SUN1: variants seen among roughly 807,000 people sequenced by gnomAD.
The protein encoded by SUN1 is SUN domain-containing protein 1.
SUN1 carries 61 observed loss-of-function variants against 103.2 expected under a neutral mutation model. That is an observed-to-expected ratio of 0.59 (90% confidence interval 0.48 to 0.73). SUN1 has a LOEUF of 0.73. Among genes scored for constraint, SUN1 ranks in the 30% least tolerant of loss-of-function variants. The pLI, the probability that SUN1 is intolerant of heterozygous loss-of-function variation, is 0.00. For missense variants in SUN1, 1,052 were observed against 1,034.6 expected (o/e 1.02, Z -0.23); for synonymous variants, 490 against 425.7 (o/e 1.15, Z -1.86).
rs1410860492 is a variant in SUN1, at chr7:856,462, C to G, written c.1394+61C>G. The G allele has an allele frequency of 1.0e-5, 16 of 1,594,026 alleles. No individual in the cohort carries two copies. In the East Asian group the frequency reaches 3.6e-4, roughly 36 times the overall value. On this transcript the variant is annotated intron_variant, in intron 12 of 18. Coordinates refer to ENST00000401592, the MANE Select transcript of SUN1 (RefSeq NM_001130965.3). ...GGTGTGTGTGTGTGGTTATGTGGAG[C>G]GGCAGCAGAGTGATGAATGGGGGAC...
chr7:861,030 A>G (rs575702708), intron 14 of SUN1, among the ~76,000 whole-genome samples: 96 of 152,378 alleles, frequency 6.3e-4, no homozygotes, highest in African/African-American at 2.2e-3. Context: ...CCTATCACTC[A>G]GTAATACCTA....
At chr7:840,168 G>C (rs1225873553) in intron 2 of SUN1, among the ~76,000 whole-genome samples, 3 of 152,216 alleles carry the variant, frequency 2.0e-5, no homozygotes, top group Admixed American at 6.5e-5. Flanking sequence ...CCTGGGATCT[G>C]AACAGCCACT....
chr7:851,467 G>A lies in SUN1; in HGVS notation c.742G>A (p.Ala248Thr), dbSNP rs765792622. 1.9e-6 allele frequency: 3 copies of A among 1,606,822 alleles called. No homozygotes were observed. Among genetic ancestry groups the A allele is most frequent in the African/African-American group, 2.7e-5 (2 of 74,848 alleles). The change falls in exon 6 of 19, where the codon GCC becomes ACC. Residue 248 changes from alanine to threonine, a missense_variant. Transcript: ENST00000401592. The part of the protein sequence containing the change: ...SRTAWSALWL[A>T]VVAPGKAASG... ...GACGGCGTGGTCGGCCCTTTGGCTG[G>A]CCGTGGTTGCTCCAGGTGGCTATTT...
intron 15 of SUN1, among the ~76,000 whole-genome samples, chr7:865,100 C>T (rs114018255): frequency 5.4e-4 from 82 of 152,256 alleles, no homozygotes; most frequent in African/African-American, 1.8e-3. Context: ...TGGCTTATTT[C>T]ACTTAACATA....
intron 5 of SUN1, chr7:843,874 T>TG: frequency 7.7e-7 from 1 of 1,306,554 alleles, no homozygotes; most frequent in African/African-American, 1.5e-5. Context: ...GGAGTGGCTT[T>TG]GGGACGCTGC....
At chr7:828,044 C>G (rs1584051496), upstream of SUN1, among the ~76,000 whole-genome samples, 1 of 151,828 alleles carries the variant, frequency 6.6e-6, no homozygotes, top group Non-Finnish European at 1.5e-5. Context: ...GCTGGGATTA[C>G]AAGCACGCAC....
intron 5 of SUN1, among the ~76,000 whole-genome samples, chr7:845,979 A>G (rs540892669): frequency 8.3e-4 from 126 of 152,286 alleles, no homozygotes; most frequent in Non-Finnish European, 1.3e-3. Context: ...AGGCACCTGC[A>G]GGACTGTGCA....
intron 5 of SUN1, chr7:849,483 C>T (rs745743280): frequency 4.5e-6 from 6 of 1,332,418 alleles, no homozygotes; most frequent in Admixed American, 3.9e-5. Flanking sequence ...AGCTTGGCGT[C>T]GGTGAGTTCC....
chr7:869,795 A>G (rs1273238570), intron 17 of SUN1, among the ~76,000 whole-genome samples: 2 of 152,190 alleles, frequency 1.3e-5, no homozygotes, highest in Admixed American at 6.6e-5. Context: ...TGCCTGTGAA[A>G]GGTGTTCTGG....
At chr7:829,773 C>T (rs1396469457), upstream of SUN1, among the ~76,000 whole-genome samples, 1 of 152,142 alleles carries the variant, frequency 6.6e-6, no homozygotes, top group Non-Finnish European at 1.5e-5. Context: ...CCAGGATGGT[C>T]TCGATCTCTC....
intron 17 of SUN1, among the ~76,000 whole-genome samples, chr7:869,861 C>G (rs1840125827): frequency 2.0e-5 from 3 of 152,066 alleles, no homozygotes; most frequent in Admixed American, 2.0e-4. Context: ...GATCCCAGCC[C>G]CAGAGAAACC....
intron 15 of SUN1, among the ~76,000 whole-genome samples, chr7:865,720 T>C (rs1172664391): frequency 6.6e-6 from 1 of 152,198 alleles, no homozygotes; most frequent in African/African-American, 2.4e-5. Context: ...GCGTGAGGGT[T>C]CCCTTTCTCC....
chr7:824,941 C>T (rs1790093492), intron 1 of SUN1, among the ~76,000 whole-genome samples: 1 of 152,182 alleles, frequency 6.6e-6, no homozygotes, highest in South Asian at 2.1e-4. Flanking sequence ...TGAACGTGTC[C>T]ACACCTCACA....
intron 1 of SUN1, among the ~76,000 whole-genome samples, chr7:820,449 TGTTA>T (rs759059571): frequency 2.0e-5 from 3 of 152,262 alleles, no homozygotes; most frequent in Admixed American, 6.5e-5. Context: ...TGAGTTTGCT[TGTTA>T]GTTCTAACAG....
chr7:822,699 C>T (rs77819821), intron 1 of SUN1, among the ~76,000 whole-genome samples: 4 of 152,300 alleles, frequency 2.6e-5, no homozygotes, highest in African/African-American at 4.8e-5. Flanking sequence ...GTGATCTGGA[C>T]GTGGTGTGGA....
At chr7:830,794 G>GAGTTAGC (rs1797214575), upstream of SUN1, 1 of 230,040 alleles carries the variant, frequency 4.3e-6, no homozygotes, top group South Asian at 1.6e-4. Flanking sequence ...CCATAGCACT[G>GAGTTAGC]AGTTAGCCCA....
chr7:874,494 TTG>T lies in SUN1; in HGVS notation c.*1167_*1168del, dbSNP rs1341270684. On this transcript the variant is annotated 3_prime_UTR_variant, in exon 19 of 19. Transcript: ENST00000401592. The stretch of plus-strand genomic sequence containing the variant: ...GACAGTTTTCAGTGTACCGTAAATG[TTG>T]TGTTTTCAGAAAAAGACAAAACGAT... 6.6e-6 allele frequency: 1 copy of T among 152,666 alleles called. No homozygotes were observed. Among genetic ancestry groups the T allele is most frequent in the African/African-American group, 2.4e-5 (1 of 41,460 alleles). The allele number at this position is 152,666 out of a possible 1,614,324, so 9.5% of individuals were successfully genotyped here.
chr7:826,499 G>A (rs1239856458), intron 1 of SUN1, among the ~76,000 whole-genome samples: 1 of 152,220 alleles, frequency 6.6e-6, no homozygotes, highest in African/African-American at 2.4e-5. Context: ...GAGGCCGGGG[G>A]CTGCAGCTCT....
At chr7:849,569 G>C in intron 5 of SUN1, 1 of 1,420,472 alleles carries the variant, frequency 7.0e-7, no homozygotes, top group Non-Finnish European at 9.5e-7. Context: ...TTCTCAGAGA[G>C]GATGGCCACC....
Sources: gnomAD v4.1 joint callset for allele counts (sites outside exome capture counted in the v4.1 genomes callset) on GRCh38, gnomAD v4.1.1 for gene constraint, MANE v1.5 for transcripts, NCBI Gene and HGNC (gene_info 2026-07-23, HGNC 2026-07-21) for gene names.